EPB41L4A: variants seen among roughly 807,000 people sequenced by gnomAD.
EPB41L4A encodes erythrocyte membrane protein band 4.1 like 4A, also known as band 4.1-like protein 4A.
A neutral mutation model predicts 108.6 loss-of-function variants in EPB41L4A; 100 were observed. The ratio of observed to expected loss-of-function variants is 0.92; its 90% CI spans 0.78 to 1.09. The LOEUF (loss-of-function observed/expected upper bound fraction) is 1.09. EPB41L4A is among the 50% of genes least tolerant of loss of function. The pLI, the probability that EPB41L4A is intolerant of heterozygous loss-of-function variation, is 0.00. For missense variants in EPB41L4A, 1,030 were observed against 842.7 expected, an observed-to-expected ratio of 1.22 and a Z score of -2.75; for synonymous variants, 319 against 289.0, an observed-to-expected ratio of 1.10 and a Z score of -1.05.
At chr5:112,329,382 G>C (rs1756403005) in intron 1 of EPB41L4A, among the ~76,000 whole-genome samples, 1 of 152,118 alleles carries the variant, frequency 6.6e-6, no homozygotes, top group Non-Finnish European at 1.5e-5. Context: ...GCTGATAGCT[G>C]GCTGCCTGAG....
intron 12 of EPB41L4A, among the ~76,000 whole-genome samples, chr5:112,212,867 C>A (rs1353402992): frequency 6.6e-6 from 1 of 152,168 alleles, no homozygotes; most frequent in East Asian, 1.9e-4. Flanking sequence ...CACCCTCATT[C>A]TCTTTAGACT....
chr5:112,360,968 G>A (rs963999295), intron 1 of EPB41L4A, among the ~76,000 whole-genome samples: 7 of 152,088 alleles, frequency 4.6e-5, no homozygotes, highest in African/African-American at 7.2e-5. Flanking sequence ...CGGCCGCCCC[G>A]TCTGAGAAGT....
At chr5:112,158,427 A>G (rs1759725009), downstream of EPB41L4A, 1 of 439,968 alleles carries the variant, frequency 2.3e-6, no homozygotes, top group Non-Finnish European at 4.6e-6. Flanking sequence ...TCAGGCTCAC[A>G]ATGGTGGTCA....
At chr5:112,283,641 G>T (rs1753098897) in intron 2 of EPB41L4A, among the ~76,000 whole-genome samples, 1 of 152,158 alleles carries the variant, frequency 6.6e-6, no homozygotes, top group Non-Finnish European at 1.5e-5. Context: ...CTCTAAAACT[G>T]GGATATCATT....
intron 2 of EPB41L4A, among the ~76,000 whole-genome samples, chr5:112,290,190 G>A (rs1753557593): frequency 6.6e-6 from 1 of 152,102 alleles, no homozygotes; most frequent in Non-Finnish European, 1.5e-5. Flanking sequence ...AAACTTTTCT[G>A]TGTATCTTTG....
chr5:112,147,066 T>G (rs1011656150), intron 12 of EPB41L4A, among the ~76,000 whole-genome samples: 5 of 152,216 alleles, frequency 3.3e-5, no homozygotes, highest in Non-Finnish European at 5.9e-5. Flanking sequence ...ATGTGTAAAG[T>G]GTAATGTGCT....
chr5:112,142,696 A>T (rs991728046), exon 14 of EPB41L4A: 1 of 152,254 alleles, frequency 6.6e-6, no homozygotes, highest in Non-Finnish European at 1.5e-5. Context: ...TTTCGGTCAG[A>T]AGATTAAGGC....
Position 112,194,953 on chromosome 5 carries a change from G to T in EPB41L4A, c.1425-308C>A, listed in dbSNP as rs11954056. Among the ~76,000 whole-genome samples the T allele has an allele frequency of 2.0e-5, 3 of 152,236 alleles. 1 individual carries two copies. In the East Asian group the frequency reaches 5.8e-4, roughly 29 times the overall value. On this transcript the variant is annotated intron_variant, in intron 16 of 22. Coordinates refer to ENST00000261486, the MANE Select transcript of EPB41L4A (RefSeq NM_022140.5). ...AACAGAACTCTGACATGGCAAAGCC[G>T]TAAGTCGGTGGTGGACTAAATATGG...
At position 112,314,505 on chromosome 5, in the gene EPB41L4A, TAAAAAAAAAAAAAAAAAAA is replaced by T. The variant is rs552428109; in HGVS notation, c.100-7034_100-7016del. On this transcript the variant is annotated intron_variant, in intron 1 of 22. Coordinates refer to ENST00000261486, the MANE Select transcript of EPB41L4A (RefSeq NM_022140.5). ...CAACAATGTGAAACCCCATCGCTAC[TAAAAAAAAAAAAAAAAAAA>T]AAAAAAAAAAAAAAGAAAAGAAATT... 3.2e-3 allele frequency among the ~76,000 whole-genome samples: 178 copies of T among 55,216 alleles called. 4 individuals carry two copies. In the Admixed American group the frequency reaches 0.042, roughly 13 times the overall value. 36.2% of individuals were successfully genotyped at this position (55,216 alleles called of 152,430 possible).
chr5:112,153,486 G>C (rs188503847), intron 12 of EPB41L4A, among the ~76,000 whole-genome samples: 1 of 148,834 alleles, frequency 6.7e-6, no homozygotes, highest in African/African-American at 2.5e-5. Flanking sequence ...CCAAGATAGC[G>C]CCACTGCACT....
chr5:112,370,183 C>T (rs910927867), intron 1 of EPB41L4A, among the ~76,000 whole-genome samples: 8 of 151,572 alleles, frequency 5.3e-5, no homozygotes, highest in Non-Finnish European at 1.0e-4. Context: ...CACCACCAAG[C>T]CTGTCTAATT....
intron 1 of EPB41L4A, among the ~76,000 whole-genome samples, chr5:112,392,288 TAA>T (rs1326600153): frequency 6.8e-6 from 1 of 146,432 alleles, no homozygotes; most frequent in African/African-American, 2.5e-5. Context: ...GCAAATTGGA[TAA>T]AGAGTCAAGA....
At chr5:112,376,149 A>G (rs989070887) in intron 1 of EPB41L4A, among the ~76,000 whole-genome samples, 8 of 152,252 alleles carry the variant, frequency 5.3e-5, no homozygotes, top group Non-Finnish European at 1.0e-4. Context: ...TAACATCTAG[A>G]ATATGTAAAG....
rs1388355013 is a variant in EPB41L4A at position 112,164,740 on chromosome 5, C to T, written c.*250G>A. ...ATCCCAGCTGCTCGGGAGCCTGAGA[C>T]AGGAGAATCGCTTAACCCAGTAAGT... On this transcript the variant is annotated 3_prime_UTR_variant, in exon 23 of 23. Transcript: ENST00000261486. The T allele has an allele frequency of 2.3e-5, 6 of 261,688 alleles. No homozygotes were observed. The East Asian group carries it at 3.3e-4, about 14-fold the overall frequency. 16.2% of individuals were successfully genotyped at this position (261,688 alleles called of 1,614,324 possible).
chr5:112,406,721 T>G (rs1199233295), intron 1 of EPB41L4A, among the ~76,000 whole-genome samples: 1 of 152,218 alleles, frequency 6.6e-6, no homozygotes, highest in East Asian at 1.9e-4. Flanking sequence ...AAATTCTGAC[T>G]TCTGCCTCTA....
At chr5:112,208,328 G>A (rs1007144171) in intron 13 of EPB41L4A, among the ~76,000 whole-genome samples, 1 of 149,950 alleles carries the variant, frequency 6.7e-6, no homozygotes, top group African/African-American at 2.5e-5. Flanking sequence ...AATCAGCCTA[G>A]ATGACCATGA....
intron 12 of EPB41L4A, among the ~76,000 whole-genome samples, chr5:112,151,198 G>A (rs1173634552): frequency 6.6e-6 from 1 of 151,916 alleles, no homozygotes; most frequent in Non-Finnish European, 1.5e-5. Flanking sequence ...CAAAGAAGTG[G>A]TAACCCGTAA....
At chr5:112,366,010 G>A (rs1759100350) in intron 1 of EPB41L4A, among the ~76,000 whole-genome samples, 1 of 152,154 alleles carries the variant, frequency 6.6e-6, no homozygotes, top group African/African-American at 2.4e-5. Flanking sequence ...TAAACTACAA[G>A]TTTAATATCA....
intron 1 of EPB41L4A, among the ~76,000 whole-genome samples, chr5:112,369,023 G>C (rs1002553392): frequency 6.6e-6 from 1 of 152,054 alleles, no homozygotes; most frequent in Non-Finnish European, 1.5e-5. Context: ...TTTCACTAAG[G>C]GATCCAAAGT....
Sources: gnomAD v4.1 joint callset for allele counts (sites outside exome capture counted in the v4.1 genomes callset) on GRCh38, gnomAD v4.1.1 for gene constraint, MANE v1.5 for transcripts, NCBI Gene and HGNC (gene_info 2026-07-23, HGNC 2026-07-21) for gene names.